ZNF652: variants seen among roughly 807,000 people sequenced by gnomAD.
The protein encoded by ZNF652 is zinc finger protein 652.
In ZNF652, 16 loss-of-function variants were observed where a neutral mutation model predicts 45.2. That is an observed-to-expected ratio of 0.35 (90% CI 0.24 to 0.54). The LOEUF is 0.54. Ranked by LOEUF, ZNF652 falls within the 20% of genes least tolerant of loss-of-function variation. The pLI is 0.91. For synonymous variants in ZNF652, 250 were observed against 260.6 expected (o/e 0.96, Z 0.39); for missense variants, 614 against 765.6 (o/e 0.80, Z 2.34).
At chr17:49,350,094 TTAATAG>T (rs1168859914) in intron 1 of ZNF652, among the ~76,000 whole-genome samples, 1 of 152,148 alleles carries the variant, frequency 6.6e-6, no homozygotes, top group Non-Finnish European at 1.5e-5. Flanking sequence ...CGAAGTGTAG[TTAATAG>T]TAATATACCA....
rs1407284716 is a variant in ZNF652 at position 49,297,703 on chromosome 17, A to C, written c.*710T>G. On this transcript the variant is annotated 3_prime_UTR_variant, in exon 6 of 6. Coordinates refer to ENST00000430262, the MANE Select transcript of ZNF652 (RefSeq NM_001145365.3). ...TATAGAAGTTATATGCATCTTTAAG[A>C]ATCACATTTTGATGATTATAAAAAT... 6.5e-6 allele frequency: 1 copy of C among 152,672 alleles called. No individual in the cohort carries two copies. The highest frequency in any genetic ancestry group is 6.5e-5 in the Admixed American group (1 of 15,276). 9.5% of individuals were successfully genotyped at this position (152,672 alleles called of 1,614,324 possible).
At chr17:49,335,443 G>T (rs984096032) in intron 1 of ZNF652, among the ~76,000 whole-genome samples, 1 of 151,862 alleles carries the variant, frequency 6.6e-6, no homozygotes. Flanking sequence ...CTGATTATTT[G>T]TGTCTATTCT....
rs10609861 is a variant in ZNF652 at position 49,293,655 on chromosome 17, T to TA, written c.*4757dup. Among the ~76,000 whole-genome samples, 1,211 of 78,236 alleles carry TA rather than the reference T, an allele frequency of 0.015. 56 individuals are homozygous for TA. The highest frequency in any genetic ancestry group is 0.032 in the African/African-American group (760 of 23,916). The allele number at this position is 78,236 out of a possible 152,430, so 51.3% of individuals were successfully genotyped here. On this transcript the variant is annotated 3_prime_UTR_variant, in exon 6 of 6. Transcript: ENST00000430262. Reference sequence around the variant, plus strand: ...CTAATGGCTTATGACCTTTCATTCCTAAAAAAAAAAAAAAAAAAAAAAAAA... The same window carrying TA: ...CTAATGGCTTATGACCTTTCATTCCTAAAAAAAAAAAAAAAAAAAAAAAAAA...
Position 49,293,116 on chromosome 17 carries a change from C to A in ZNF652, c.*5297G>T, listed in dbSNP as rs1159855273. ...ACAACTCCAGGAACCTGTGACCATA[C>A]ATATATTATTGAGTAATACATAGAG... On this transcript the variant is annotated 3_prime_UTR_variant, in exon 6 of 6. Transcript: ENST00000430262. Among the ~76,000 whole-genome samples, 2 of 152,174 alleles carry A rather than the reference C, an allele frequency of 1.3e-5. No individual in the cohort carries two copies. The highest frequency in any genetic ancestry group is 2.4e-5 in the African/African-American group (1 of 41,434).
chr17:49,289,985 T>A lies in ZNF652; in HGVS notation c.*8428A>T, dbSNP rs993422751. 6.6e-5 allele frequency: 10 copies of A among 152,178 alleles called. No individual in the cohort carries two copies. The highest frequency in any genetic ancestry group is 2.2e-4 in the African/African-American group (9 of 41,412). 9.4% of individuals were successfully genotyped at this position (152,178 alleles called of 1,614,324 possible). Reference sequence around the variant, plus strand: ...AAGCAAACTGGATTTTCTTAAGAAATGAGGAAAAGTGCAAGTGATCTCAGT... The same window carrying A: ...AAGCAAACTGGATTTTCTTAAGAAAAGAGGAAAAGTGCAAGTGATCTCAGT... On this transcript the variant is annotated 3_prime_UTR_variant, in exon 6 of 6. Transcript: ENST00000430262.
At chr17:49,344,009 T>TA (rs36108865) in intron 1 of ZNF652, among the ~76,000 whole-genome samples, 35 of 151,928 alleles carry the variant, frequency 2.3e-4, no homozygotes, top group African/African-American at 7.7e-4. Context: ...CCATCCTGGC[T>TA]AACACAGTGA....
At chr17:49,327,732 T>TAA (rs2069971601) in intron 1 of ZNF652, among the ~76,000 whole-genome samples, 6 of 5,962 alleles carry the variant, frequency 1.0e-3, no homozygotes, top group East Asian at 6.5e-3. Flanking sequence ...AATAAATAAA[T>TAA]ATATATATAT....
rs1350210577 is a variant in ZNF652 at position 49,347,458 on chromosome 17, T to C, written c.-259+14451A>G. Among the ~76,000 whole-genome samples, 8 of 152,026 alleles carry C rather than the reference T, an allele frequency of 5.3e-5. No individual in the cohort carries two copies. In the East Asian group the frequency reaches 1.6e-3, roughly 30 times the overall value. On this transcript the variant is annotated intron_variant, in intron 1 of 5. Transcript: ENST00000430262. ...CACGTGCCTGTGGTCCCAGCTACTC[T>C]GGAAGCTGAGGTGGGAGGACCGCTG...
chr17:49,359,858 A>C (rs1403413280), intron 1 of ZNF652, among the ~76,000 whole-genome samples: 1 of 151,930 alleles, frequency 6.6e-6, no homozygotes, highest in African/African-American at 2.4e-5. Context: ...ACAGTTAACA[A>C]AGTTGAAAAA....
Position 49,296,874 on chromosome 17 carries a change from C to T in ZNF652, c.*1539G>A, listed in dbSNP as rs2069484294. On this transcript the variant is annotated 3_prime_UTR_variant, in exon 6 of 6. Coordinates refer to ENST00000430262, the MANE Select transcript of ZNF652 (RefSeq NM_001145365.3). ...TGATCTGTTAAGTGTAATCAATACA[C>T]TAGCCCTTCTGTTCAGCCTTTCCTA... 2 of 152,202 alleles carry T rather than the reference C, an allele frequency of 1.3e-5. No individual in the cohort carries two copies. The highest frequency in any genetic ancestry group is 2.4e-5 in the African/African-American group (1 of 41,442). 9.4% of individuals were successfully genotyped at this position (152,202 alleles called of 1,614,324 possible). A position where few individuals can be genotyped will look rare whatever the true frequency, so the allele number is the denominator to read the frequency against.
chr17:49,338,125 C>T (rs2070105602), intron 1 of ZNF652, among the ~76,000 whole-genome samples: 1 of 151,700 alleles, frequency 6.6e-6, no homozygotes, highest in African/African-American at 2.4e-5. Context: ...GTAGCTGGCA[C>T]ACGCCACCAT....
intron 5 of ZNF652, among the ~76,000 whole-genome samples, chr17:49,299,279 C>T (rs995585231): frequency 1.3e-5 from 2 of 152,164 alleles, no homozygotes; most frequent in South Asian, 4.1e-4. Flanking sequence ...TCCTCTACAT[C>T]CTACACAAAG....
At chr17:49,327,397 G>A (rs2069966816) in intron 1 of ZNF652, among the ~76,000 whole-genome samples, 1 of 151,540 alleles carries the variant, frequency 6.6e-6, no homozygotes, top group Non-Finnish European at 1.5e-5. Flanking sequence ...TCCTGACCTC[G>A]TGAGCCGCTG....
chr17:49,329,841 T>C (rs923020081), intron 1 of ZNF652, among the ~76,000 whole-genome samples: 2 of 152,202 alleles, frequency 1.3e-5, no homozygotes, highest in Non-Finnish European at 1.5e-5. Context: ...CCTTCAAGCA[T>C]CAACAGTTTC....
At chr17:49,314,489 T>A (rs1045282463) in intron 2 of ZNF652, among the ~76,000 whole-genome samples, 1 of 151,580 alleles carries the variant, frequency 6.6e-6, no homozygotes, top group Admixed American at 6.6e-5. Context: ...TTAAAGAAAA[T>A]TTTTTTAGTC....
In ZNF652 at chr17:49,317,800, C is replaced by A; in HGVS notation, c.-75G>T. 1 of 1,382,822 alleles carries A rather than the reference C, an allele frequency of 7.2e-7. No individual in the cohort carries two copies. Among genetic ancestry groups the A allele is most frequent in the South Asian group, 1.6e-5 (1 of 62,774 alleles). 85.7% of individuals were successfully genotyped at this position (1,382,822 alleles called of 1,614,324 possible). A position where few individuals can be genotyped will look rare whatever the true frequency, so the allele number is the denominator to read the frequency against. ...TTAAAACAAGGTAATTATTAAGACT[C>A]AAATCTTTTCTCATCCACAAAGAAT... On this transcript the variant is annotated 5_prime_UTR_variant, in exon 2 of 6. Coordinates refer to ENST00000430262, the MANE Select transcript of ZNF652 (RefSeq NM_001145365.3).
At position 49,292,775 on chromosome 17, in the gene ZNF652, T is replaced by A. The variant is rs2069420848; in HGVS notation, c.*5638A>T. On this transcript the variant is annotated 3_prime_UTR_variant, in exon 6 of 6. Coordinates refer to ENST00000430262, the MANE Select transcript of ZNF652 (RefSeq NM_001145365.3). ...AATCTTTCAACAGAGAGACGAAATATGTGAAGAAATAAGATATAAATAAAA... is the reference window on the plus strand; with the variant it reads ...AATCTTTCAACAGAGAGACGAAATAAGTGAAGAAATAAGATATAAATAAAA... Among the ~76,000 whole-genome samples, 1 of 152,106 alleles carries A rather than the reference T, an allele frequency of 6.6e-6. No individual in the cohort carries two copies. Among genetic ancestry groups the A allele is most frequent in the Non-Finnish European group, 1.5e-5 (1 of 68,024 alleles).
chr17:49,362,145 C>G lies in ZNF652; in HGVS notation c.-495G>C, dbSNP rs1379118006. On this transcript the variant is annotated 5_prime_UTR_variant, in exon 1 of 6. Transcript: ENST00000430262. ...GTCTCGCGACTCCCTTCCCAGCGCGCGAGGGCGAGCGGGGCCGGCGGGGCG... is the reference window on the plus strand; with the variant it reads ...GTCTCGCGACTCCCTTCCCAGCGCGGGAGGGCGAGCGGGGCCGGCGGGGCG... 1 of 150,134 alleles carries G rather than the reference C, an allele frequency of 6.7e-6. No individual in the cohort carries two copies. The highest frequency in any genetic ancestry group is 1.5e-5 in the Non-Finnish European group (1 of 67,104). The allele number at this position is 150,134 out of a possible 1,614,324, so 9.3% of individuals were successfully genotyped here.
chr17:49,309,663 ATC>A (rs1294770855), intron 5 of ZNF652, among the ~76,000 whole-genome samples: 5 of 152,210 alleles, frequency 3.3e-5, no homozygotes, highest in African/African-American at 1.2e-4. Flanking sequence ...TATAAGGAGA[ATC>A]TGTTAACTAT....
Sources: gnomAD v4.1 joint callset for allele counts (sites outside exome capture counted in the v4.1 genomes callset) on GRCh38, gnomAD v4.1.1 for gene constraint, MANE v1.5 for transcripts, NCBI Gene and HGNC (gene_info 2026-07-23, HGNC 2026-07-21) for gene names.